Variants in MYO16 observed in about 807,000 individuals in gnomAD.
MYO16 encodes the protein myosin XVI, also known as unconventional myosin-XVI.
MYO16 carries 94 observed loss-of-function variants against 205.3 expected under a neutral mutation model. That is an observed-to-expected ratio of 0.46 (90% CI 0.39 to 0.54). The LOEUF is 0.54. MYO16 is among the 20% of genes least tolerant of loss of function. The probability of loss-of-function intolerance (pLI) is 0.00; values close to 1 mark genes in which losing one functional copy is unlikely to be tolerated. For missense variants in MYO16, 2,315 were observed against 2,387.5 expected, an observed-to-expected ratio of 0.97 and a Z score of 0.63; for synonymous variants, 988 against 954.0, an observed-to-expected ratio of 1.04 and a Z score of -0.66.
chr13:108,914,930 A>G (rs1485043304), intron 16 of MYO16, among the ~76,000 whole-genome samples: 1 of 152,206 alleles, frequency 6.6e-6, no homozygotes, highest in African/African-American at 2.4e-5. Context: ...AGCATGAACC[A>G]CTGCGCCCGA....
chr13:108,833,996 CAG>C (rs1876764842), intron 9 of MYO16, among the ~76,000 whole-genome samples: 1 of 151,838 alleles, frequency 6.6e-6, no homozygotes, highest in Admixed American at 6.6e-5. Flanking sequence ...TTTTCATAAT[CAG>C]AATAACAATT....
chr13:108,551,439 T>C, the MYO16 span, among the ~76,000 whole-genome samples: 5 of 152,196 alleles, frequency 3.3e-5, no homozygotes, highest in African/African-American at 7.2e-5. Context: ...TACCTTGACT[T>C]GTCCATTTGC....
In MYO16 at chr13:108,972,937, G is replaced by A. The variant is rs181231318; in HGVS notation, c.2369+8035G>A. ...GTCCTGCCAGTGGACAGGGGCTCAC[G>A]CAGTGCCTGAACGAAGGAACTGGCA... is the stretch of plus-strand genomic sequence containing the variant. On this transcript the variant is annotated intron_variant, in intron 20 of 34. Transcript: ENST00000457511. 6.3e-4 allele frequency among the ~76,000 whole-genome samples: 96 copies of A among 151,882 alleles called. 2 individuals are homozygous for A. Among genetic ancestry groups the A allele is most frequent in the Admixed American group, 5.4e-3 (82 of 15,226 alleles).
intron 1 of MYO16, among the ~76,000 whole-genome samples, chr13:108,611,268 T>C (rs1879162783): frequency 6.6e-6 from 1 of 152,126 alleles, no homozygotes; most frequent in South Asian, 2.1e-4. Context: ...TTGTTTTCAG[T>C]TGTGTTACAT....
At chr13:108,806,985 A>G (rs1887134410) in intron 7 of MYO16, among the ~76,000 whole-genome samples, 181 bp downstream of exon 7, 1 of 152,240 alleles carries the variant, frequency 6.6e-6, no homozygotes, top group African/African-American at 2.4e-5. Context: ...ACAAGAGCAC[A>G]TGTTCCTTAT....
At chr13:108,660,383 C>A (rs545434364) in intron 1 of MYO16, among the ~76,000 whole-genome samples, 4 of 152,178 alleles carry the variant, frequency 2.6e-5, no homozygotes, top group South Asian at 4.2e-4. Context: ...GTATTGGAGT[C>A]CCCCACTATC....
intron 2 of MYO16, among the ~76,000 whole-genome samples, chr13:108,698,292 T>C (rs899014205): frequency 2.0e-5 from 3 of 152,184 alleles, no homozygotes; most frequent in South Asian, 2.1e-4. Context: ...GGAGGTAATG[T>C]TCAGAAAAGG....
the MYO16 span, among the ~76,000 whole-genome samples, chr13:108,578,770 G>C: frequency 6.6e-6 from 1 of 152,016 alleles, no homozygotes; most frequent in East Asian, 1.9e-4. Flanking sequence ...ACATCCCCAG[G>C]TCCTTTACTT....
intron 31 of MYO16, among the ~76,000 whole-genome samples, chr13:109,128,452 T>C (rs1462222575): frequency 6.6e-6 from 1 of 152,140 alleles, no homozygotes; most frequent in East Asian, 1.9e-4. Flanking sequence ...TGAAACACAG[T>C]TCCTTCAGTA....
chr13:108,869,529 C>T (rs550525070), intron 12 of MYO16, among the ~76,000 whole-genome samples: 7 of 150,186 alleles, frequency 4.7e-5, no homozygotes, highest in South Asian at 2.1e-4. Flanking sequence ...TCGAGACCAT[C>T]CTGGCTAACA....
At chr13:108,772,725 G>T (rs1886006679) in intron 4 of MYO16, among the ~76,000 whole-genome samples, 1 of 152,152 alleles carries the variant, frequency 6.6e-6, no homozygotes, top group Non-Finnish European at 1.5e-5. Flanking sequence ...GAATATCCTT[G>T]TTCTTATAAA....
At chr13:109,075,801 A>C (rs1026789711) in intron 27 of MYO16, among the ~76,000 whole-genome samples, 1 of 152,174 alleles carries the variant, frequency 6.6e-6, no homozygotes, top group African/African-American at 2.4e-5. Flanking sequence ...CTGAAGACAC[A>C]TGTGTATTGG....
chr13:109,082,438 A>G (rs1004522391), intron 27 of MYO16, among the ~76,000 whole-genome samples: 7 of 152,236 alleles, frequency 4.6e-5, no homozygotes, highest in Admixed American at 1.3e-4. Flanking sequence ...TATAACAATT[A>G]TAAATATGGG....
intron 27 of MYO16, among the ~76,000 whole-genome samples, chr13:109,064,623 G>A (rs1887689305): frequency 6.6e-6 from 1 of 152,060 alleles, no homozygotes; most frequent in Admixed American, 6.6e-5. Context: ...TATTGTTTTT[G>A]TTTTTAATGG....
At chr13:108,666,211 G>C in intron 2 of MYO16, 62 bp downstream of exon 2, 1 of 1,496,718 alleles carries the variant, frequency 6.7e-7, no homozygotes. Context: ...ATTTTTGTTG[G>C]TTTGTTGTTT....
At chr13:108,704,938 C>CAA (rs111486703) in intron 2 of MYO16, among the ~76,000 whole-genome samples, 10 of 142,780 alleles carry the variant, frequency 7.0e-5, no homozygotes, top group South Asian at 2.2e-4. Flanking sequence ...GCTAAACTGA[C>CAA]AAAAAAAAAA....
the MYO16 span, among the ~76,000 whole-genome samples, chr13:108,590,969 C>T: frequency 6.6e-6 from 1 of 152,178 alleles, no homozygotes; most frequent in Non-Finnish European, 1.5e-5. Flanking sequence ...TAATACAGTG[C>T]ATTATCATCC....
In MYO16 at chr13:109,046,957, C is replaced by T; in HGVS notation, c.2838C>T (p.Asp946=). The change falls in exon 24 of 35, where the codon GAC becomes GAT. Residue 946 remains aspartate, a synonymous_variant. Transcript: ENST00000457511. ...TTGGGGCGATTGAAAAAAATAAAGA[C>T]TCCCTTTCACAGAATCTTCTATTTG... ...DVVGAIEKNK[D]SLSQNLLFVM... The T allele has an allele frequency of 1.1e-5, 17 of 1,611,986 alleles. No individual in the cohort carries two copies. Among genetic ancestry groups the T allele is most frequent in the Non-Finnish European group, 1.4e-5 (17 of 1,178,212 alleles).
chr13:108,965,537 G>T (rs1883760433), intron 20 of MYO16, among the ~76,000 whole-genome samples: 1 of 152,140 alleles, frequency 6.6e-6, no homozygotes, highest in South Asian at 2.1e-4. Context: ...CTCCCAAGTA[G>T]CTGGGATTAC....
Sources: allele counts gnomAD v4.1 joint callset (sites outside exome capture counted in the v4.1 genomes callset), GRCh38; gene constraint gnomAD v4.1.1; transcripts MANE v1.5; gene names NCBI Gene and HGNC (gene_info 2026-07-23, HGNC 2026-07-21).